Variants in MAJIN observed in about 807,000 individuals in gnomAD.
The protein encoded by MAJIN is membrane-anchored junction protein.
A neutral mutation model predicts 30.2 loss-of-function variants in MAJIN; 27 were observed. The observed-to-expected ratio is 0.89, with a 90% CI of 0.66 to 1.23. The LOEUF (loss-of-function observed/expected upper bound fraction) is 1.23. Ranked by LOEUF, MAJIN falls within the 50% of genes most tolerant of loss-of-function variation. MAJIN has a pLI of 0.00. For synonymous variants in MAJIN, 78 were observed against 91.6 expected (o/e 0.85, Z 0.85); for missense variants, 253 against 260.3 (o/e 0.97, Z 0.19).
Position 64,940,548 on chromosome 11 carries a change from A to G in MAJIN, c.546+26T>C, listed in dbSNP as rs773505733. Reference sequence around the variant, plus strand: ...GGGAAAGGGTGATTATTAAAGGAGAATAAATGGAAATTTCCCAGGACCTAC... The same window carrying G: ...GGGAAAGGGTGATTATTAAAGGAGAGTAAATGGAAATTTCCCAGGACCTAC... On this transcript the variant is annotated intron_variant, in intron 9 of 10. Transcript: ENST00000301896. 10 of 1,597,372 alleles carry G rather than the reference A, an allele frequency of 6.3e-6. No homozygotes were observed. In the Admixed American group the frequency reaches 1.3e-4, roughly 21 times the overall value.
intron 4 of MAJIN, among the ~76,000 whole-genome samples, chr11:64,951,321 C>A (rs888915918): frequency 8.5e-5 from 13 of 152,060 alleles, no homozygotes; most frequent in African/African-American, 2.9e-4. Flanking sequence ...ATCGATTAGT[C>A]CCTAATTAAG....
intron 2 of MAJIN, 144 bp downstream of exon 2, chr11:64,959,945 T>A (rs1057426031): frequency 6.5e-6 from 1 of 152,958 alleles, no homozygotes; most frequent in Non-Finnish European, 1.5e-5. Context: ...CCACAACCAA[T>A]GTAGCAAATA....
intron 9 of MAJIN, among the ~76,000 whole-genome samples, chr11:64,940,253 A>G (rs1945354037): frequency 6.6e-6 from 1 of 152,226 alleles, no homozygotes; most frequent in Non-Finnish European, 1.5e-5. Context: ...AGAAAAGGGA[A>G]ACACAACCCT....
intron 4 of MAJIN, 130 bp from the exon 5 acceptor site, chr11:64,950,560 T>G: frequency 8.2e-6 from 6 of 729,520 alleles, no homozygotes; most frequent in Non-Finnish European, 1.3e-5. Context: ...TTAACACGTG[T>G]TCTGATTCTC....
Position 64,947,595 on chromosome 11 carries a change from G to C in MAJIN, c.382-130C>G, listed in dbSNP as rs1945470865. The C allele has an allele frequency of 3.8e-6, 4 of 1,057,434 alleles. No homozygotes were observed. In the African/African-American group the frequency reaches 4.8e-5, roughly 13 times the overall value. 65.5% of individuals were successfully genotyped at this position (1,057,434 alleles called of 1,614,324 possible). The stretch of plus-strand genomic sequence containing the variant: ...CTTTTAACACCAGCTTTGCAAGTAA[G>C]AATAGACATTCTGTTAGAGACATGG... On this transcript the variant is annotated intron_variant, in intron 7 of 10. Coordinates refer to ENST00000301896, the MANE Select transcript of MAJIN (RefSeq NM_001037225.3).
intron 4 of MAJIN, 25 bp from the exon 5 acceptor site, chr11:64,950,455 T>C (rs750529187): frequency 6.3e-7 from 1 of 1,596,930 alleles, no homozygotes; most frequent in Non-Finnish European, 8.6e-7. Flanking sequence ...TGAAATGACT[T>C]TAACACTGTT....
At chr11:64,945,136 T>C (rs1945432036) in intron 8 of MAJIN, among the ~76,000 whole-genome samples, 1 of 152,058 alleles carries the variant, frequency 6.6e-6, no homozygotes, top group Non-Finnish European at 1.5e-5. Flanking sequence ...GGCGGGTGGA[T>C]CACGAGGTCA....
chr11:64,959,581 A>G (rs542599712), intron 2 of MAJIN, among the ~76,000 whole-genome samples, 159 bp from the exon 3 acceptor site: 5 of 152,166 alleles, frequency 3.3e-5, no homozygotes, highest in Non-Finnish European at 7.3e-5. Flanking sequence ...ACATTCTCCT[A>G]CCTGCATGGG....
intron 1 of MAJIN, among the ~76,000 whole-genome samples, chr11:64,961,791 CTT>C (rs796661807): frequency 8.3e-5 from 11 of 131,992 alleles, no homozygotes; most frequent in Admixed American, 7.7e-5. Flanking sequence ...TTTTTCTTTT[CTT>C]TTTTTTTTTT....
chr11:64,940,553 T>C (rs532621070), intron 9 of MAJIN, 21 bp downstream of exon 9: 5 of 1,602,892 alleles, frequency 3.1e-6, no homozygotes, highest in Non-Finnish European at 4.3e-6. Flanking sequence ...GGAGAATAAA[T>C]GGAAATTTCC....
chr11:64,969,655 G>C (rs1945866645), intron 1 of MAJIN, among the ~76,000 whole-genome samples: 1 of 152,014 alleles, frequency 6.6e-6, no homozygotes, highest in South Asian at 2.1e-4. Context: ...GAACTGATTT[G>C]GAAGATGGTA....
intron 1 of MAJIN, among the ~76,000 whole-genome samples, chr11:64,961,324 C>T (rs905682118): frequency 2.0e-5 from 3 of 151,116 alleles, no homozygotes; most frequent in Non-Finnish European, 2.9e-5. Flanking sequence ...TACACCACCA[C>T]GCCCAGCTAA....
At chr11:64,952,474 C>T (rs1294209382) in intron 4 of MAJIN, among the ~76,000 whole-genome samples, 4 of 152,122 alleles carry the variant, frequency 2.6e-5, no homozygotes, top group African/African-American at 9.7e-5. Flanking sequence ...AGGCGTGAGC[C>T]ACAGAGCCCG....
At chr11:64,971,384 C>T in intron 1 of MAJIN, among the ~76,000 whole-genome samples, 1 of 150,024 alleles carries the variant, frequency 6.7e-6, no homozygotes, top group Non-Finnish European at 1.5e-5. Flanking sequence ...TCAATATCGC[C>T]CCCACTGAAC....
intron 10 of MAJIN, among the ~76,000 whole-genome samples, chr11:64,939,038 T>G (rs890948997): frequency 5.3e-5 from 8 of 152,222 alleles, no homozygotes; most frequent in Non-Finnish European, 5.9e-5. Context: ...AAAGTGATTC[T>G]CCTGCCTCAG....
intron 4 of MAJIN, chr11:64,954,277 G>C (rs1164695372): frequency 4.0e-6 from 1 of 252,154 alleles, no homozygotes; most frequent in East Asian, 1.1e-4. Context: ...CCTAAAGCTA[G>C]AGGAACCGGG....
At chr11:64,940,004 C>T in intron 9 of MAJIN, 1 of 407,648 alleles carries the variant, frequency 2.5e-6, no homozygotes. Context: ...CAAGTTCCAG[C>T]CATGCACTCT....
intron 1 of MAJIN, among the ~76,000 whole-genome samples, chr11:64,961,078 C>A (rs972381527): frequency 6.6e-6 from 1 of 152,170 alleles, no homozygotes; most frequent in African/African-American, 2.4e-5. Context: ...GATGACTCTT[C>A]TCAGTAGGCG....
chr11:64,944,523 A>T (rs888778057), intron 8 of MAJIN, among the ~76,000 whole-genome samples: 2 of 152,196 alleles, frequency 1.3e-5, no homozygotes, highest in African/African-American at 4.8e-5. Context: ...GCCAGGTGTG[A>T]TGACACACGC....
Sources: allele counts gnomAD v4.1 joint callset (sites outside exome capture counted in the v4.1 genomes callset), GRCh38; gene constraint gnomAD v4.1.1; transcripts MANE v1.5; gene names NCBI Gene and HGNC (gene_info 2026-07-23, HGNC 2026-07-21).